Variants in GRIN2A observed in about 807,000 individuals in gnomAD.
The protein encoded by GRIN2A is glutamate ionotropic receptor NMDA type subunit 2A, also known as glutamate receptor ionotropic, NMDA 2A.
A neutral mutation model predicts 113.4 loss-of-function variants in GRIN2A; 22 were observed. That is an observed-to-expected ratio of 0.19 (90% CI 0.14 to 0.28). The LOEUF (loss-of-function observed/expected upper bound fraction) is 0.28, where lower values mean the gene tolerates loss of function less well. Ranked by LOEUF, GRIN2A falls within the 10% of genes least tolerant of loss-of-function variation. GRIN2A has a pLI of 1.00. For missense variants in GRIN2A, 1,502 were observed against 1,887.0 expected (o/e 0.80, Z 3.78); for synonymous variants, 827 against 738.4 (o/e 1.12, Z -1.94).
At chr16:9,812,802 C>T (rs1207072219) in intron 10 of GRIN2A, among the ~76,000 whole-genome samples, 2 of 152,132 alleles carry the variant, frequency 1.3e-5, no homozygotes, top group Non-Finnish European at 2.9e-5. Flanking sequence ...ACGGATAAAG[C>T]AATTGGAGTT....
Position 10,110,660 on chromosome 16 carries a change from A to T in GRIN2A, c.414+69338T>A, listed in dbSNP as rs147351970. Among the ~76,000 whole-genome samples the T allele has an allele frequency of 8.5e-5, 13 of 152,290 alleles. No homozygotes were observed. In the East Asian group the frequency reaches 2.5e-3, roughly 29 times the overall value. On this transcript the variant is annotated intron_variant, in intron 2 of 12. Coordinates refer to ENST00000330684, the MANE Select transcript of GRIN2A (RefSeq NM_001134407.3). ...GACTGCAAGTATGAGATAAGGAGAA[A>T]TCTTGTAGCAGGTTCTGGATAAGTG...
Position 10,180,616 on chromosome 16 carries a change from T to A in GRIN2A, c.-18-187A>T. On this transcript the variant is annotated intron_variant, in intron 1 of 12. Transcript: ENST00000330684. This position sits in a 1 kb window ranked among gnomAD's most constrained non-coding sequence, Gnocchi z 7.0. ...ATCCCTCGATCCATCTCTAACTCTA[T>A]CCACAACTCCAATTCGAGCTAATTC... 1 of 954,066 alleles carries A rather than the reference T, an allele frequency of 1.0e-6. No individual in the cohort carries two copies. The highest frequency in any genetic ancestry group is 1.5e-6 in the Non-Finnish European group (1 of 658,546). The allele number at this position is 954,066 out of a possible 1,614,324, so 59.1% of individuals were successfully genotyped here.
chr16:10,134,387 G>A (rs2049145073), intron 2 of GRIN2A, among the ~76,000 whole-genome samples: 3 of 148,232 alleles, frequency 2.0e-5, no homozygotes, highest in Non-Finnish European at 4.5e-5. Flanking sequence ...TTTCCTGCCT[G>A]TAGAATTTGG....
chr16:9,756,490 C>T lies in GRIN2A; in HGVS notation c.*6659G>A, dbSNP rs886052529. The T allele has an allele frequency of 1.1e-4, 24 of 224,554 alleles. No individual in the cohort carries two copies. Among genetic ancestry groups the T allele is most frequent in the Non-Finnish European group, 1.1e-4 (12 of 112,556 alleles). The allele number at this position is 224,554 out of a possible 1,614,324, so 13.9% of individuals were successfully genotyped here. ...CCAGGAACCTCAAAAGAGCACACCT[C>T]TCTTTCTGACTTCTATTCTGACCTC... On this transcript the variant is annotated 3_prime_UTR_variant, in exon 13 of 13. Transcript: ENST00000330684.
intron 12 of GRIN2A, among the ~76,000 whole-genome samples, chr16:9,765,611 G>A (rs1267875498): frequency 6.6e-6 from 1 of 152,196 alleles, no homozygotes; most frequent in Admixed American, 6.5e-5. Context: ...TTACCATCAT[G>A]TGGGGGTGTG....
chr16:10,155,324 A>T (rs1050866018), intron 2 of GRIN2A, among the ~76,000 whole-genome samples: 1 of 152,146 alleles, frequency 6.6e-6, no homozygotes, highest in Non-Finnish European at 1.5e-5. Flanking sequence ...ATCACAGAAA[A>T]TGAATATCCT....
intron 2 of GRIN2A, among the ~76,000 whole-genome samples, chr16:10,102,769 T>C (rs2048424949): frequency 6.6e-6 from 1 of 152,178 alleles, no homozygotes; most frequent in Admixed American, 6.5e-5. Flanking sequence ...TCAGAGAGGT[T>C]AGGTAACTTG....
intron 2 of GRIN2A, among the ~76,000 whole-genome samples, chr16:10,142,923 A>C (rs1406678029): frequency 6.6e-6 from 1 of 152,222 alleles, no homozygotes. Context: ...ACACTTAATT[A>C]GCTTCTTAGA....
At chr16:10,035,944 G>A (rs1051900478) in intron 2 of GRIN2A, among the ~76,000 whole-genome samples, 10 of 152,012 alleles carry the variant, frequency 6.6e-5, no homozygotes, top group Admixed American at 2.0e-4. Context: ...GGCTGGTCTC[G>A]AACTCCTGAC....
chr16:9,799,557 C>T (rs1290496957), intron 10 of GRIN2A, among the ~76,000 whole-genome samples: 1 of 152,150 alleles, frequency 6.6e-6, no homozygotes, highest in Admixed American at 6.5e-5. Context: ...CCAAAGCAGC[C>T]ATAGAGAATG....
intron 10 of GRIN2A, among the ~76,000 whole-genome samples, chr16:9,806,313 T>C (rs1035129587): frequency 1.3e-5 from 2 of 152,208 alleles, no homozygotes; most frequent in Admixed American, 1.3e-4. Flanking sequence ...TGGGTCAAAA[T>C]TGTACAGAGA....
At position 9,938,194 on chromosome 16, in the gene GRIN2A, G is replaced by A. The variant is rs2044760987; in HGVS notation, c.772C>T (p.Pro258Ser). The change falls in exon 3 of 13, where the codon CCC (proline) becomes TCC (serine). Residue 258 changes from proline (P) to serine (S), a missense_variant. Transcript: ENST00000330684. ...LTGYDFFWIV[P>S]SLVSGNTELI... ...TCCGTGTTCCCAGAGACCAAGCTGG[G>A]GACAATCCAGAAGAAATCATACCCG... 6.2e-7 allele frequency: 1 copy of A among 1,613,940 alleles called. No homozygotes were observed. Among genetic ancestry groups the A allele is most frequent in the Admixed American group, 1.7e-5 (1 of 59,996 alleles).
At chr16:10,050,672 T>C (rs1386941542) in intron 2 of GRIN2A, among the ~76,000 whole-genome samples, 2 of 152,082 alleles carry the variant, frequency 1.3e-5, no homozygotes, top group Non-Finnish European at 2.9e-5. Context: ...AATGTAATAA[T>C]AGAAATAAAG....
chr16:10,014,290 T>C (rs902715416), intron 2 of GRIN2A, among the ~76,000 whole-genome samples: 2 of 152,222 alleles, frequency 1.3e-5, no homozygotes, highest in Non-Finnish European at 2.9e-5. Flanking sequence ...ATAACCTAAA[T>C]GCAAGACCAG....
intron 4 of GRIN2A, among the ~76,000 whole-genome samples, chr16:9,881,826 C>A (rs532374714): frequency 3.3e-5 from 5 of 152,124 alleles, no homozygotes; most frequent in African/African-American, 1.2e-4. Flanking sequence ...TTCTCCCTGC[C>A]GGTAGAATGT....
At chr16:10,092,517 TA>T (rs2048200679) in intron 2 of GRIN2A, among the ~76,000 whole-genome samples, 1 of 152,196 alleles carries the variant, frequency 6.6e-6, no homozygotes, top group African/African-American at 2.4e-5. Context: ...AATTAAGCAT[TA>T]TTTTTTTCTC....
chr16:9,953,053 A>G (rs1328381819), intron 2 of GRIN2A, among the ~76,000 whole-genome samples: 2 of 152,084 alleles, frequency 1.3e-5, no homozygotes, highest in Non-Finnish European at 2.9e-5. Flanking sequence ...GAGTATGAGG[A>G]AGGGCTTGGA....
intron 2 of GRIN2A, among the ~76,000 whole-genome samples, chr16:10,127,262 T>C (rs990701950): frequency 1.3e-5 from 2 of 151,642 alleles, no homozygotes; most frequent in Non-Finnish European, 2.9e-5. Flanking sequence ...TGGTACAAGA[T>C]GGGAAAGTCT....
At chr16:10,179,091 C>T (rs1291444915) in intron 2 of GRIN2A, among the ~76,000 whole-genome samples, 2 of 152,184 alleles carry the variant, frequency 1.3e-5, no homozygotes, top group Admixed American at 6.5e-5. Context: ...CATAACATCG[C>T]CTTCAAATCT....
Sources: allele counts gnomAD v4.1 joint callset (sites outside exome capture counted in the v4.1 genomes callset), GRCh38; gene constraint gnomAD v4.1.1; non-coding constraint Gnocchi (gnomAD v3.1); transcripts MANE v1.5; gene names NCBI Gene and HGNC (gene_info 2026-07-23, HGNC 2026-07-21).